The following SPATA21 variants were observed in gnomAD, a reference collection of about 807,000 sequenced individuals.
SPATA21 encodes spermatogenesis associated 21.
A neutral mutation model predicts 54.8 loss-of-function variants in SPATA21; 47 were observed. The observed-to-expected ratio is 0.86, with a 90% CI of 0.68 to 1.09. The LOEUF is 1.09. Ranked by LOEUF, SPATA21 falls within the 50% of genes least tolerant of loss-of-function variation. The probability of loss-of-function intolerance (pLI) is 0.00; values close to 1 mark genes in which losing one functional copy is unlikely to be tolerated. For missense variants in SPATA21, 599 were observed against 596.4 expected (o/e 1.00, Z -0.05); for synonymous variants, 245 against 235.3 (o/e 1.04, Z -0.38).
chr1:16,406,723 C>G (rs575198653), intron 7 of SPATA21, among the ~76,000 whole-genome samples: 1 of 152,280 alleles, frequency 6.6e-6, no homozygotes, highest in African/African-American at 2.4e-5. Context: ...GCCTGGGTGA[C>G]AGAACAAGGC....
In SPATA21 at chr1:16,398,763, G is replaced by T; in HGVS notation, c.*2C>A. Reference sequence around the variant, plus strand: ...GCTGCCTAGAGTCAGGCCTCCAGAGGGTCAGTGGGTTCGAGCTGGCACAGA... The same window carrying T: ...GCTGCCTAGAGTCAGGCCTCCAGAGTGTCAGTGGGTTCGAGCTGGCACAGA... On this transcript the variant is annotated 3_prime_UTR_variant, in exon 13 of 13. Coordinates refer to ENST00000335496, the MANE Select transcript of SPATA21 (RefSeq NM_198546.1). 1 of 1,613,852 alleles carries T rather than the reference G, an allele frequency of 6.2e-7. No homozygotes were observed. The highest frequency in any genetic ancestry group is 8.5e-7 in the Non-Finnish European group (1 of 1,179,802).
chr1:16,405,063 C>T lies in SPATA21; in HGVS notation c.715G>A (p.Val239Met), dbSNP rs1289722065. 6.2e-7 allele frequency: 1 copy of T among 1,610,324 alleles called. No homozygotes were observed. The highest frequency in any genetic ancestry group is 1.3e-5 in the African/African-American group (1 of 74,834). ...ATATTCTTCAGGCTCTGTGCATCCA[C>T]CTCACCAGGACCATTGAAGATCTCA... The part of the protein sequence containing the change: ...YFEIFNGPGE[V>M]DAQSLKNILL... Residue 239 changes from valine to methionine, a missense_variant, in exon 8 of 13, where the codon GTG becomes ATG. Transcript: ENST00000335496.
In SPATA21 at chr1:16,428,213, T is replaced by C. The variant is rs2086370211; in HGVS notation, c.34+3125A>G. On this transcript the variant is annotated intron_variant, in intron 3 of 12. Coordinates refer to ENST00000335496, the MANE Select transcript of SPATA21 (RefSeq NM_198546.1). The surrounding 1 kb of genome is among the most constrained non-coding windows in gnomAD (Gnocchi z 4.3). Reference sequence around the variant, plus strand: ...CAGGGCCCGGCCCTGCTGTTGCTGTTGCTTAGCACGTAAGGCTCTGGTATG... The same window carrying C: ...CAGGGCCCGGCCCTGCTGTTGCTGTCGCTTAGCACGTAAGGCTCTGGTATG... Among the ~76,000 whole-genome samples, 1 of 152,136 alleles carries C rather than the reference T, an allele frequency of 6.6e-6. No homozygotes were observed. The highest frequency in any genetic ancestry group is 2.1e-4 in the South Asian group (1 of 4,830).
intron 5 of SPATA21, among the ~76,000 whole-genome samples, chr1:16,417,245 G>C (rs1463297628): frequency 2.0e-5 from 3 of 151,930 alleles, no homozygotes; most frequent in Non-Finnish European, 4.4e-5. Context: ...CTGCTGCCTG[G>C]CTGCCCTTTC....
At chr1:16,419,579 G>C (rs2086111122) in intron 5 of SPATA21, among the ~76,000 whole-genome samples, 1 of 152,188 alleles carries the variant, frequency 6.6e-6, no homozygotes, top group African/African-American at 2.4e-5. Context: ...GGTCATGTTT[G>C]AGAAGTGAAT....
At chr1:16,404,092 C>T in intron 8 of SPATA21, 53 bp from the exon 9 acceptor site, 1 of 1,461,272 alleles carries the variant, frequency 6.8e-7, no homozygotes, top group Non-Finnish European at 9.4e-7. Flanking sequence ...CAGGTCCATG[C>T]CTTGCAGCCC....
chr1:16,401,686 A>G (rs1368756534), intron 10 of SPATA21, among the ~76,000 whole-genome samples: 1 of 148,746 alleles, frequency 6.7e-6, no homozygotes, highest in African/African-American at 2.5e-5. Flanking sequence ...CCAGATTTCA[A>G]GTTAAGGACT....
intron 3 of SPATA21, among the ~76,000 whole-genome samples, chr1:16,424,218 C>G (rs2086253265): frequency 9.4e-6 from 1 of 106,408 alleles, no homozygotes; most frequent in African/African-American, 3.7e-5. Context: ...GAGGCTGAGG[C>G]AGGAGAATGG....
chr1:16,397,694 C>G (rs1477203105), downstream of SPATA21: 1 of 152,506 alleles, frequency 6.6e-6, no homozygotes, highest in Non-Finnish European at 1.5e-5. The surrounding 1 kb of genome is among the most constrained non-coding windows in gnomAD (Gnocchi z 5.4). Context: ...CTGGGGGGTC[C>G]AGGCCTGGTG....
At chr1:16,406,339 T>G (rs1019750882) in intron 7 of SPATA21, among the ~76,000 whole-genome samples, 1 of 152,216 alleles carries the variant, frequency 6.6e-6, no homozygotes, top group African/African-American at 2.4e-5. Context: ...CTAACTCCAG[T>G]ACTTCCAAAT....
At position 16,403,844 on chromosome 1, in the gene SPATA21, T is replaced by G; in HGVS notation, c.884A>C (p.Glu295Ala). Residue 295 changes from glutamate to alanine, a missense_variant and splice_region_variant, in exon 10 of 13, where the codon GAA becomes GCA. By Grantham distance (107) the Glu-to-Ala change is moderately radical (BLOSUM62 -1). Transcript: ENST00000335496. Reference protein sequence around the residue: ...TDTRRFFCSVEQNALSDMAPH... With the variant: ...TDTRRFFCSVAQNALSDMAPH... ...AGCCATGTCCGACAGGGCGTTCTGTTCTGGAGACATGGGATAGTGGCTGCC... is the reference window on the plus strand; with the variant it reads ...AGCCATGTCCGACAGGGCGTTCTGTGCTGGAGACATGGGATAGTGGCTGCC... 1 of 1,609,952 alleles carries G rather than the reference T, an allele frequency of 6.2e-7. No individual in the cohort carries two copies.
intron 3 of SPATA21, among the ~76,000 whole-genome samples, chr1:16,424,592 A>AT (rs1035379400): frequency 6.6e-6 from 1 of 150,810 alleles, no homozygotes; most frequent in African/African-American, 2.4e-5. Flanking sequence ...TAACTTTGGT[A>AT]TTTTTTGTAG....
At chr1:16,408,386 G>C in intron 7 of SPATA21, 1 of 795,610 alleles carries the variant, frequency 1.3e-6, no homozygotes, top group Non-Finnish European at 1.5e-6. Context: ...TTAATGGTGA[G>C]GGACCATCTA....
chr1:16,405,999 G>A (rs1181318593), intron 7 of SPATA21, among the ~76,000 whole-genome samples: 2 of 152,206 alleles, frequency 1.3e-5, no homozygotes, highest in East Asian at 3.8e-4. Context: ...TAAAGTGGGT[G>A]GGCTACTGGC....
At chr1:16,403,672 T>A in intron 10 of SPATA21, 55 bp downstream of exon 10, 1 of 1,496,636 alleles carries the variant, frequency 6.7e-7, no homozygotes, top group Non-Finnish European at 9.3e-7. Flanking sequence ...GCCAAAATGC[T>A]AGATGCCACC....
rs765977576 is a variant in SPATA21 at position 16,403,957 on chromosome 1, T to TC, written c.883+10dup. ...TCCAGTTCTGACTACGCTGGGCTCA[T>TC]CCCTGCTCACCCACAGAGCAGAAGA... is the stretch of plus-strand genomic sequence containing the variant. On this transcript the variant is annotated intron_variant, in intron 9 of 12. Coordinates refer to ENST00000335496, the MANE Select transcript of SPATA21 (RefSeq NM_198546.1). The TC allele has an allele frequency of 1.3e-6, 2 of 1,599,682 alleles. No individual in the cohort carries two copies. Among genetic ancestry groups the TC allele is most frequent in the African/African-American group, 2.7e-5 (2 of 74,598 alleles).
At chr1:16,414,917 C>G (rs1207878760) in intron 5 of SPATA21, among the ~76,000 whole-genome samples, 1 of 68,052 alleles carries the variant, frequency 1.5e-5, no homozygotes, top group African/African-American at 5.7e-5. Flanking sequence ...AAAAAAGATT[C>G]TAGTTGAGTA....
At chr1:16,408,624 G>C (rs1340573141) in intron 7 of SPATA21, 1 of 683,126 alleles carries the variant, frequency 1.5e-6, no homozygotes, top group African/African-American at 2.0e-5. Flanking sequence ...TGTAATTCCA[G>C]ACTTTGGGAG....
At position 16,409,679 on chromosome 1, in the gene SPATA21, G is replaced by A. The variant is rs768755246; in HGVS notation, c.509C>T (p.Pro170Leu). 1 of 1,613,446 alleles carries A rather than the reference G, an allele frequency of 6.2e-7. No homozygotes were observed. The highest frequency in any genetic ancestry group is 8.5e-7 in the Non-Finnish European group (1 of 1,179,994). Residue 170 changes from proline to leucine, a missense_variant, in exon 6 of 13, where the codon CCT (proline) becomes CTT (leucine). Transcript: ENST00000335496. This position sits in a 1 kb window ranked among gnomAD's most constrained non-coding sequence, Gnocchi z 4.1. ...TSMPCPVLLG[P>L]ALDLGWRRME... Reference sequence around the variant, plus strand: ...CCTTCTCCAGCCCAGGTCCAGGGCAGGGCCCAGCAGGACAGGGCAAGGCAT... The same window carrying A: ...CCTTCTCCAGCCCAGGTCCAGGGCAAGGCCCAGCAGGACAGGGCAAGGCAT...
Sources: allele counts gnomAD v4.1 joint callset (sites outside exome capture counted in the v4.1 genomes callset), GRCh38; gene constraint gnomAD v4.1.1; non-coding constraint Gnocchi (gnomAD v3.1); transcripts MANE v1.5; gene names NCBI Gene and HGNC (gene_info 2026-07-23, HGNC 2026-07-21).